The following KCNU1 variants were observed in gnomAD, a reference collection of about 807,000 sequenced individuals.
KCNU1 encodes potassium channel subfamily U member 1.
KCNU1 carries 93 observed loss-of-function variants against 126.8 expected under a neutral mutation model. That is an observed-to-expected ratio of 0.73 (90% CI 0.62 to 0.87). The LOEUF (loss-of-function observed/expected upper bound fraction) is 0.87. Ranked by LOEUF, KCNU1 falls within the 40% of genes least tolerant of loss-of-function variation. KCNU1 has a pLI of 0.00. For synonymous variants in KCNU1, 523 were observed against 494.2 expected, an observed-to-expected ratio of 1.06 and a Z score of -0.77; for missense variants, 1,330 against 1,367.1, an observed-to-expected ratio of 0.97 and a Z score of 0.43.
rs538467480 is a variant in KCNU1 at position 36,888,230 on chromosome 8, C to T, written c.2010-17478C>T. ...AGAAAACATAGACAACATGGAACAA[C>T]GAATGGACAATGTAAGCAGAGAGGT... is the stretch of plus-strand genomic sequence containing the variant. On this transcript the variant is annotated intron_variant, in intron 19 of 26. Coordinates refer to ENST00000399881, the MANE Select transcript of KCNU1 (RefSeq NM_001031836.3). 2.4e-4 allele frequency among the ~76,000 whole-genome samples: 36 copies of T among 152,070 alleles called. No homozygotes were observed. The South Asian group carries it at 6.9e-3, about 29-fold the overall frequency.
intron 22 of KCNU1, among the ~76,000 whole-genome samples, chr8:36,911,427 T>C (rs945664300): frequency 6.6e-6 from 1 of 152,182 alleles, no homozygotes; most frequent in African/African-American, 2.4e-5. Context: ...TCAGTGAACA[T>C]AGCATGTGGT....
At chr8:36,830,108 T>A (rs1341564497) in intron 10 of KCNU1, among the ~76,000 whole-genome samples, 1 of 149,764 alleles carries the variant, frequency 6.7e-6, no homozygotes, top group Non-Finnish European at 1.5e-5. Context: ...ATAAAATAAA[T>A]CTTTATTAAT....
At chr8:36,907,983 T>C (rs1029038577) in intron 20 of KCNU1, among the ~76,000 whole-genome samples, 1 of 151,374 alleles carries the variant, frequency 6.6e-6, no homozygotes, top group Non-Finnish European at 1.5e-5. Flanking sequence ...AACTCTTTGG[T>C]TTTTTTTTCC....
intron 23 of KCNU1, among the ~76,000 whole-genome samples, chr8:36,921,945 C>A (rs1808365554): frequency 6.6e-6 from 1 of 152,134 alleles, no homozygotes; most frequent in African/African-American, 2.4e-5. Flanking sequence ...AGCCCTCACC[C>A]TAGATCCAGT....
intron 16 of KCNU1, among the ~76,000 whole-genome samples, chr8:36,845,091 C>T (rs958470314): frequency 4.6e-5 from 7 of 152,114 alleles, no homozygotes; most frequent in Admixed American, 6.5e-5. Flanking sequence ...TCAAAAGAAA[C>T]GCACAACCTC....
intron 20 of KCNU1, among the ~76,000 whole-genome samples, chr8:36,906,237 G>A (rs963855070): frequency 6.8e-6 from 1 of 147,056 alleles, no homozygotes; most frequent in Admixed American, 6.8e-5. Flanking sequence ...TTTGAAATTC[G>A]GATTTTTCTG....
At chr8:36,799,228 G>T (rs187357364) in intron 2 of KCNU1, among the ~76,000 whole-genome samples, 2 of 152,236 alleles carry the variant, frequency 1.3e-5, no homozygotes, top group East Asian at 3.9e-4. Context: ...TACAAAGTCA[G>T]TCTTACTCTC....
At chr8:36,892,723 G>A (rs979058544) in intron 19 of KCNU1, among the ~76,000 whole-genome samples, 3 of 152,132 alleles carry the variant, frequency 2.0e-5, no homozygotes, top group Admixed American at 6.5e-5. Flanking sequence ...TATTTGCCAA[G>A]GGATTCTGTG....
intron 24 of KCNU1, among the ~76,000 whole-genome samples, chr8:36,928,116 A>G (rs1808589169): frequency 6.6e-6 from 1 of 152,100 alleles, no homozygotes; most frequent in Non-Finnish European, 1.5e-5. Context: ...TAAGAATAGG[A>G]GATGAGCTCA....
At chr8:36,910,895 C>T (rs532028828) in intron 21 of KCNU1, 35 bp from the exon 22 acceptor site, 17 of 1,461,012 alleles carry the variant, frequency 1.2e-5, no homozygotes, top group South Asian at 5.1e-5. Flanking sequence ...TCCCTCCATC[C>T]GACCAGTGCC....
intron 2 of KCNU1, among the ~76,000 whole-genome samples, chr8:36,790,373 T>C (rs1205020010): frequency 2.0e-5 from 3 of 151,484 alleles, no homozygotes; most frequent in Non-Finnish European, 4.4e-5. Flanking sequence ...AAACATTAAA[T>C]CTAAGCAGAA....
chr8:36,833,755 C>CT (rs1804647180), intron 11 of KCNU1, 96 bp downstream of exon 11: 1 of 680,080 alleles, frequency 1.5e-6, no homozygotes, highest in African/African-American at 1.8e-5. Context: ...ATTATTTCAG[C>CT]TTCTTTAATT....
chr8:36,901,060 G>A (rs770145674), intron 19 of KCNU1, among the ~76,000 whole-genome samples: 4 of 151,360 alleles, frequency 2.6e-5, no homozygotes, highest in Non-Finnish European at 5.9e-5. Context: ...CGAAAGTGAG[G>A]TCTACAAAAG....
At chr8:36,807,340 A>C in intron 5 of KCNU1, 35 bp from the exon 6 acceptor site, 1 of 1,524,372 alleles carries the variant, frequency 6.6e-7, no homozygotes, top group East Asian at 2.2e-5. Flanking sequence ...TGACCCTCTG[A>C]TTTTGGCAGC....
intron 18 of KCNU1, among the ~76,000 whole-genome samples, chr8:36,863,092 C>CA (rs770331480): frequency 6.6e-6 from 1 of 152,176 alleles, no homozygotes; most frequent in East Asian, 1.9e-4. Context: ...CAATCACTGC[C>CA]AATTTAAGTT....
intron 10 of KCNU1, among the ~76,000 whole-genome samples, chr8:36,827,034 T>C (rs879355162): frequency 2.5e-4 from 38 of 152,366 alleles, no homozygotes; most frequent in Admixed American, 2.2e-3. Context: ...TGTCTTGTTT[T>C]CTTTCTTTCT....
chr8:36,897,904 C>T (rs558845585), intron 19 of KCNU1, among the ~76,000 whole-genome samples: 26 of 152,212 alleles, frequency 1.7e-4, no homozygotes, highest in African/African-American at 6.0e-4. Context: ...GACTCCATGT[C>T]GTGAGTGATC....
At chr8:36,902,918 A>G (rs1302981545) in intron 19 of KCNU1, among the ~76,000 whole-genome samples, 1 of 152,112 alleles carries the variant, frequency 6.6e-6, no homozygotes, top group East Asian at 1.9e-4. Context: ...GAACAGGGTA[A>G]CCCATTTTGG....
At chr8:36,868,830 G>A (rs1041036108) in intron 19 of KCNU1, among the ~76,000 whole-genome samples, 1 of 152,118 alleles carries the variant, frequency 6.6e-6, no homozygotes, top group Non-Finnish European at 1.5e-5. Flanking sequence ...CATGATATAA[G>A]AGAAAGAAAG....
Sources: allele counts gnomAD v4.1 joint callset (sites outside exome capture counted in the v4.1 genomes callset), GRCh38; gene constraint gnomAD v4.1.1; transcripts MANE v1.5; gene names NCBI Gene and HGNC (gene_info 2026-07-23, HGNC 2026-07-21).